Variants in MOSPD2 observed in about 807,000 individuals in gnomAD.
MOSPD2 encodes motile sperm domain containing 2.
Under a neutral mutation model 41.7 loss-of-function variants are expected in MOSPD2, and 5 were observed. The observed-to-expected ratio is 0.12, with a 90% CI of 0.06 to 0.25. MOSPD2 has a LOEUF of 0.25. MOSPD2 is among the 10% of genes least tolerant of loss of function. MOSPD2 has a pLI of 1.00. For missense variants in MOSPD2, 282 were observed against 375.2 expected (o/e 0.75, Z 2.05); for synonymous variants, 115 against 126.9 (o/e 0.91, Z 0.63).
At chrX:14,919,535 C>T in intron 14 of MOSPD2, 137 bp from the exon 15 acceptor site, 1 of 481,841 alleles carries the variant, frequency 2.1e-6, no homozygotes. Context: ...GTTGCACTTC[C>T]ACCTCCTTCC....
rs1176121689 is a variant in MOSPD2, at chrX:14,918,561, G to T, written c.1317-119G>T. On this transcript the variant is annotated intron_variant, in intron 13 of 14. Coordinates refer to ENST00000380492, the MANE Select transcript of MOSPD2 (RefSeq NM_152581.4). Reference sequence around the variant, plus strand: ...TGTCTTAGGTGAACCTGGGGAAGAGGAATGAGGACTTTTACCTCTGTTACA... The same window carrying T: ...TGTCTTAGGTGAACCTGGGGAAGAGTAATGAGGACTTTTACCTCTGTTACA... The T allele has an allele frequency of 4.4e-5, 21 of 475,679 alleles. No individual in the cohort carries two copies. The Admixed American group carries it at 8.7e-4, about 20-fold the overall frequency. The allele number at this position is 475,679 out of a possible 1,213,427, so 39.2% of individuals were successfully genotyped here.
intron 12 of MOSPD2, among the ~76,000 whole-genome samples, chrX:14,915,986 T>C (rs1156894515): frequency 8.9e-6 from 1 of 112,953 alleles, no homozygotes; most frequent in African/African-American, 3.2e-5. Flanking sequence ...GTATTGTTTC[T>C]AACAAGTAAA....
At chrX:14,888,195 T>C (rs866376344) in intron 2 of MOSPD2, among the ~76,000 whole-genome samples, 3,126 of 88,710 alleles carry the variant, frequency 0.035, 55 homozygotes, top group South Asian at 0.045. Context: ...GGAGAATATA[T>C]ACACACACAC....
At chrX:14,880,258 TTTG>T (rs2092528900) in intron 2 of MOSPD2, among the ~76,000 whole-genome samples, 1 of 111,259 alleles carries the variant, frequency 9.0e-6, no homozygotes, top group Non-Finnish European at 1.9e-5. Context: ...GTGTTTTATT[TTTG>T]TTGTTGTTAT....
At position 14,914,063 on chromosome X, in the gene MOSPD2, ATCTT is replaced by A. The variant is rs564541244; in HGVS notation, c.993-434_993-431del. ...TATTCTGTTAAATACATTCCTAATC[ATCTT>A]TCTTTTTAAGTTATGCTCTTTTCTG... On this transcript the variant is annotated intron_variant, in intron 10 of 14. Transcript: ENST00000380492. Among the ~76,000 whole-genome samples the A allele has an allele frequency of 1.1e-4, 12 of 112,408 alleles. No individual in the cohort carries two copies. In the South Asian group the frequency reaches 4.3e-3, roughly 41 times the overall value.
intron 13 of MOSPD2, among the ~76,000 whole-genome samples, chrX:14,917,964 T>A (rs1320380578): frequency 8.9e-6 from 1 of 112,151 alleles, no homozygotes; most frequent in Non-Finnish European, 1.9e-5. Flanking sequence ...TTAGCCTTAG[T>A]CCGGAGGAGG....
At chrX:14,900,529 A>T in intron 5 of MOSPD2, 46 bp from the exon 6 acceptor site, 1 of 661,605 alleles carries the variant, frequency 1.5e-6, no homozygotes, top group Non-Finnish European at 2.3e-6. Context: ...GTGCAATTTT[A>T]AGTTCTCTAA....
At chrX:14,899,565 T>TACACACACACACAC (rs59555716) in intron 5 of MOSPD2, among the ~76,000 whole-genome samples, 1,176 of 81,010 alleles carry the variant, frequency 0.015, 9 homozygotes, top group Non-Finnish European at 0.023. Context: ...ATTATATACA[T>TACACACACACACAC]ACACACACAC....
intron 13 of MOSPD2, among the ~76,000 whole-genome samples, chrX:14,916,964 C>CT (rs1017712334): frequency 1.1e-4 from 12 of 112,138 alleles, no homozygotes; most frequent in Non-Finnish European, 2.1e-4. Flanking sequence ...TGTAGTTTTG[C>CT]TTTTTTTAAA....
At chrX:14,889,062 T>C (rs2092548577) in intron 2 of MOSPD2, among the ~76,000 whole-genome samples, 1 of 111,580 alleles carries the variant, frequency 9.0e-6, no homozygotes, top group Admixed American at 9.5e-5. Flanking sequence ...ACTTGGTGTC[T>C]AGTAAGGGCC....
intron 2 of MOSPD2, among the ~76,000 whole-genome samples, chrX:14,877,017 G>A (rs1398961534): frequency 8.9e-6 from 1 of 111,834 alleles, no homozygotes; most frequent in Non-Finnish European, 1.9e-5. Flanking sequence ...TCTGAACTGA[G>A]GCACTGAGGT....
At position 14,875,959 on chromosome X, in the gene MOSPD2, C is replaced by A. The variant is rs900942358; in HGVS notation, c.79+2201C>A. ...AGCCTATAGACATTGAGAGTAGAGG[C>A]CTTGTGTGTCTTACTCACCTTTGTA... On this transcript the variant is annotated intron_variant, in intron 2 of 14. Coordinates refer to ENST00000380492, the MANE Select transcript of MOSPD2 (RefSeq NM_152581.4). Among the ~76,000 whole-genome samples the A allele has an allele frequency of 6.3e-5, 7 of 111,344 alleles. No individual in the cohort carries two copies. In the Admixed American group the frequency reaches 6.6e-4, roughly 11 times the overall value.
At chrX:14,886,644 A>G (rs769504418) in intron 2 of MOSPD2, among the ~76,000 whole-genome samples, 52 of 111,119 alleles carry the variant, frequency 4.7e-4, no homozygotes, top group African/African-American at 1.5e-3. Context: ...ATCTGGGCCT[A>G]TACAGAATAA....
At chrX:14,905,069 T>C (rs968880988) in intron 7 of MOSPD2, among the ~76,000 whole-genome samples, 1 of 111,209 alleles carries the variant, frequency 9.0e-6, no homozygotes, top group Admixed American at 9.6e-5. Context: ...TGGGTAAGGC[T>C]AATCCTTCAC....
At chrX:14,914,704 GT>G in intron 11 of MOSPD2, 105 bp downstream of exon 11, 1 of 471,821 alleles carries the variant, frequency 2.1e-6, no homozygotes, top group Non-Finnish European at 3.5e-6. Context: ...CTTGTACAGT[GT>G]TTTTATTTAT....
At chrX:14,887,365 A>T (rs1447042066) in intron 2 of MOSPD2, among the ~76,000 whole-genome samples, 1 of 112,061 alleles carries the variant, frequency 8.9e-6, no homozygotes, top group African/African-American at 3.2e-5. Context: ...GTTGATGGAA[A>T]GTCATTTGTA....
intron 5 of MOSPD2, among the ~76,000 whole-genome samples, chrX:14,897,698 A>G (rs1409244232): frequency 8.9e-6 from 1 of 112,592 alleles, no homozygotes; most frequent in Non-Finnish European, 1.9e-5. Context: ...TTTTGCACAT[A>G]TAACACTTTG....
chrX:14,901,478 G>T (rs1229711368), intron 6 of MOSPD2, among the ~76,000 whole-genome samples: 1 of 111,147 alleles, frequency 9.0e-6, no homozygotes, highest in Non-Finnish European at 1.9e-5. Flanking sequence ...TCTTAATTTG[G>T]CATGTTAATT....
At chrX:14,905,984 G>A (rs1490057734) in intron 7 of MOSPD2, among the ~76,000 whole-genome samples, 4 of 111,594 alleles carry the variant, frequency 3.6e-5, no homozygotes, top group Non-Finnish European at 5.6e-5. Flanking sequence ...ATGGAGGGCC[G>A]ACTGTATTGT....
Sources: allele counts gnomAD v4.1 joint callset (sites outside exome capture counted in the v4.1 genomes callset), GRCh38; gene constraint gnomAD v4.1.1; transcripts MANE v1.5; gene names NCBI Gene and HGNC (gene_info 2026-07-23, HGNC 2026-07-21).